ABCA9: variants seen among roughly 807,000 people sequenced by gnomAD.
ABCA9 encodes ATP-binding cassette sub-family A member 9.
In ABCA9, 183 loss-of-function variants were observed where a neutral mutation model predicts 205.3. The ratio of observed to expected loss-of-function variants is 0.89; its 90% confidence interval spans 0.79 to 1.01. The LOEUF (loss-of-function observed/expected upper bound fraction) is 1.01. Among genes scored for constraint, ABCA9 ranks in the 50% least tolerant of loss-of-function variants. The pLI, the probability that ABCA9 is intolerant of heterozygous loss-of-function variation, is 0.00. For missense variants in ABCA9, 1,805 were observed against 1,912.4 expected (o/e 0.94, Z 1.05); for synonymous variants, 651 against 683.3 (o/e 0.95, Z 0.74).
At chr17:69,066,601 T>A in the ABCA9 span, among the ~76,000 whole-genome samples, 47 of 151,014 alleles carry the variant, frequency 3.1e-4, no homozygotes, top group African/African-American at 1.1e-3. Flanking sequence ...TTGGATCAGA[T>A]GGGACAGGTT....
intron 25 of ABCA9, among the ~76,000 whole-genome samples, chr17:68,996,752 C>T (rs1209816731): frequency 6.6e-6 from 1 of 152,110 alleles, no homozygotes; most frequent in East Asian, 1.9e-4. Context: ...TTTAATATGA[C>T]ATTTACCATT....
At chr17:68,998,744 T>A (rs1483869141) in intron 25 of ABCA9, among the ~76,000 whole-genome samples, 1 of 152,064 alleles carries the variant, frequency 6.6e-6, no homozygotes, top group African/African-American at 2.4e-5. Context: ...TATTTATATA[T>A]GTAATTAGAT....
chr17:69,058,055 A>C (rs1217356319), intron 1 of ABCA9, among the ~76,000 whole-genome samples: 1 of 152,192 alleles, frequency 6.6e-6, no homozygotes, highest in Non-Finnish European at 1.5e-5. Flanking sequence ...GTGAACATGA[A>C]CTATTTTAAC....
intron 37 of ABCA9, among the ~76,000 whole-genome samples, chr17:68,981,835 C>CA (rs398041827): frequency 0.62 from 32,028 of 51,800 alleles, 10,037 homozygotes; most frequent in South Asian, 0.68. Context: ...AACTCTTTCT[C>CA]AAAAAAAAAA....
intron 19 of ABCA9, chr17:69,020,103 G>T: frequency 3.4e-6 from 1 of 291,010 alleles, no homozygotes. Flanking sequence ...TTTAGGATGG[G>T]ACCTAAGTAC....
At chr17:68,988,881 A>G (rs2069338981) in intron 31 of ABCA9, 146 bp downstream of exon 31, 1 of 532,734 alleles carries the variant, frequency 1.9e-6, no homozygotes, top group South Asian at 3.5e-5. Context: ...TGTTTTTGGA[A>G]TTAAGTATAT....
chr17:69,050,343 AACACACACACAC>A lies in ABCA9; in HGVS notation c.96+676_96+687del, dbSNP rs58213498. Among the ~76,000 whole-genome samples the A allele has an allele frequency of 2.5e-3, 377 of 147,894 alleles. 2 individuals are homozygous for A. The highest frequency in any genetic ancestry group is 7.4e-3 in the African/African-American group (298 of 40,120). On this transcript the variant is annotated intron_variant, in intron 2 of 38. Transcript: ENST00000340001. The stretch of plus-strand genomic sequence containing the variant: ...GCATGAACACACACACACACACACG[AACACACACACAC>A]ACACACACACACACACACACGTTCA...
intron 2 of ABCA9, among the ~76,000 whole-genome samples, chr17:69,049,944 A>C (rs1304745164): frequency 6.6e-6 from 1 of 151,964 alleles, no homozygotes; most frequent in Non-Finnish European, 1.5e-5. Context: ...GCTCATAAAA[A>C]AACAAAGTTT....
intron 6 of ABCA9, among the ~76,000 whole-genome samples, chr17:69,037,668 G>A (rs2071391155): frequency 6.6e-6 from 1 of 151,934 alleles, no homozygotes; most frequent in Non-Finnish European, 1.5e-5. Context: ...GGAGAAGCAA[G>A]AGCAAACAAA....
intron 1 of ABCA9, among the ~76,000 whole-genome samples, chr17:69,056,690 C>T (rs917247171): frequency 5.3e-5 from 8 of 152,166 alleles, no homozygotes; most frequent in African/African-American, 1.7e-4. Context: ...TCTTTCAACT[C>T]CTCGTCCTTC....
rs760447641 is a variant in ABCA9, at chr17:69,008,185, G to A, written c.3198C>T (p.Tyr1066=). The A allele has an allele frequency of 9.9e-6, 16 of 1,613,922 alleles. No individual in the cohort carries two copies. Among genetic ancestry groups the A allele is most frequent in the Admixed American group, 5.0e-5 (3 of 59,992 alleles). The change falls in exon 24 of 39, where the codon TAC becomes TAT. Residue 1066 remains tyrosine, a synonymous_variant. Coordinates refer to ENST00000340001, the MANE Select transcript of ABCA9 (RefSeq NM_080283.4). ...LRISGLYPSA[Y]WFGQALVDVS... is the part of the protein sequence containing the mutation. ...CATCCACCAGTGCTTGGCCAAACCAGTATGCAGAAGGGTAGAGGCCTGAAA... is the reference window on the plus strand; with the variant it reads ...CATCCACCAGTGCTTGGCCAAACCAATATGCAGAAGGGTAGAGGCCTGAAA...
intron 3 of ABCA9, 56 bp from the exon 4 acceptor site, chr17:69,045,392 A>G (rs1011780983): frequency 2.1e-5 from 32 of 1,523,166 alleles, no homozygotes; most frequent in Middle Eastern, 1.8e-4. Flanking sequence ...CTACCTGGCC[A>G]TATTCAATTA....
At chr17:69,040,470 C>T (rs933152563) in intron 6 of ABCA9, among the ~76,000 whole-genome samples, 58 of 152,282 alleles carry the variant, frequency 3.8e-4, no homozygotes, top group Non-Finnish European at 6.6e-4. Context: ...CACCAAACAC[C>T]GCATGTTCTC....
chr17:69,002,502 G>A (rs1438270223), intron 25 of ABCA9, among the ~76,000 whole-genome samples: 1 of 147,822 alleles, frequency 6.8e-6, no homozygotes, highest in Non-Finnish European at 1.5e-5. Context: ...TATAATTTCT[G>A]TTCTTTTACA....
In ABCA9 at chr17:69,005,173, A is replaced by G. The variant is rs187215606; in HGVS notation, c.3435+2586T>C. On this transcript the variant is annotated intron_variant, in intron 25 of 38. Transcript: ENST00000340001. ...CCTGGCTTATCTTTTTCTCTGAGTA[A>G]TATTTTGATGTAGGGCCTTGCTTTC... 9.9e-5 allele frequency among the ~76,000 whole-genome samples: 15 copies of G among 152,276 alleles called. No individual in the cohort carries two copies. The East Asian group carries it at 2.9e-3, about 29-fold the overall frequency.
chr17:68,990,051 T>A (rs1348521338), intron 29 of ABCA9, 121 bp from the exon 30 acceptor site: 1 of 715,184 alleles, frequency 1.4e-6, no homozygotes, highest in East Asian at 2.6e-5. Flanking sequence ...CTTCTTCCCC[T>A]AGAAACTGCC....
chr17:69,009,138 T>C (rs899660667), intron 23 of ABCA9, among the ~76,000 whole-genome samples: 6 of 152,214 alleles, frequency 3.9e-5, no homozygotes, highest in African/African-American at 1.4e-4. Context: ...GGGGCACTTA[T>C]AAATTTAAGT....
rs141265490 is a variant in ABCA9, at chr17:68,985,491, G to A, written c.4209-363C>T. Among the ~76,000 whole-genome samples the A allele has an allele frequency of 2.4e-3, 367 of 152,182 alleles. 2 individuals are homozygous for A. Among genetic ancestry groups the A allele is most frequent in the African/African-American group, 8.4e-3 (349 of 41,504 alleles). On this transcript the variant is annotated intron_variant, in intron 32 of 38. Coordinates refer to ENST00000340001, the MANE Select transcript of ABCA9 (RefSeq NM_080283.4). ...ACAAAAATTAGCTGGGCATGGTGGC[G>A]TGCACCTGTAGTCCCAGCTACTCAG...
chr17:69,025,128 C>T (rs946166356), intron 16 of ABCA9, among the ~76,000 whole-genome samples: 1 of 152,058 alleles, frequency 6.6e-6, no homozygotes, highest in African/African-American at 2.4e-5. Context: ...AAGCTTCCAA[C>T]ATAAAAATAA....
Sources: allele counts gnomAD v4.1 joint callset (sites outside exome capture counted in the v4.1 genomes callset), GRCh38; gene constraint gnomAD v4.1.1; transcripts MANE v1.5; gene names NCBI Gene and HGNC (gene_info 2026-07-23, HGNC 2026-07-21).